The following DOCK4 variants were observed in gnomAD, a reference collection of about 807,000 sequenced individuals.
The protein encoded by DOCK4 is dedicator of cytokinesis 4.
DOCK4 carries 97 observed loss-of-function variants against 268.1 expected under a neutral mutation model. That is an observed-to-expected ratio of 0.36 (90% CI 0.31 to 0.43). The LOEUF (loss-of-function observed/expected upper bound fraction) is 0.43. DOCK4 is among the 20% of genes least tolerant of loss of function. The pLI is 1.00. For missense variants in DOCK4, 2,145 were observed against 2,455.7 expected (o/e 0.87, Z 2.67); for synonymous variants, 954 against 887.2 (o/e 1.08, Z -1.34).
chr7:112,179,770 G>C (rs1019139788), intron 1 of DOCK4, among the ~76,000 whole-genome samples: 4 of 152,140 alleles, frequency 2.6e-5, no homozygotes, highest in Non-Finnish European at 4.4e-5. Context: ...AGATTTAGGA[G>C]ATTAGTATAG....
intron 39 of DOCK4, among the ~76,000 whole-genome samples, chr7:111,762,922 G>A (rs531116915): frequency 7.3e-5 from 11 of 151,162 alleles, no homozygotes; most frequent in African/African-American, 2.2e-4. Context: ...GCACGCCACC[G>A]AACCTGGCAA....
intron 12 of DOCK4, among the ~76,000 whole-genome samples, chr7:111,923,358 A>C (rs1011952290): frequency 9.2e-5 from 14 of 152,170 alleles, no homozygotes; most frequent in African/African-American, 3.4e-4. Context: ...AAAGTTGGCC[A>C]TTTGCTCCCA....
At chr7:111,961,835 A>C (rs918791349) in intron 8 of DOCK4, among the ~76,000 whole-genome samples, 12 of 152,224 alleles carry the variant, frequency 7.9e-5, no homozygotes, top group Non-Finnish European at 1.6e-4. Context: ...ACCATCATCT[A>C]TGGGGCTAGT....
At chr7:112,122,937 C>T (rs115630874) in intron 1 of DOCK4, among the ~76,000 whole-genome samples, 117 of 152,312 alleles carry the variant, frequency 7.7e-4, no homozygotes, top group African/African-American at 2.8e-3. Flanking sequence ...CCAAGGGAAA[C>T]TTCCCCTCTG....
At chr7:112,176,956 T>C (rs917102550) in intron 1 of DOCK4, among the ~76,000 whole-genome samples, 1 of 152,196 alleles carries the variant, frequency 6.6e-6, no homozygotes, top group Non-Finnish European at 1.5e-5. Flanking sequence ...TGGTGTCCTT[T>C]AGTGACATAA....
At chr7:111,964,214 T>C (rs1414811210) in intron 8 of DOCK4, among the ~76,000 whole-genome samples, 8 of 126,880 alleles carry the variant, frequency 6.3e-5, no homozygotes, top group East Asian at 5.2e-4. Flanking sequence ...TGGAGAATGA[T>C]TTTGACGAGC....
At chr7:112,000,616 C>A in intron 2 of DOCK4, 82 bp from the exon 3 acceptor site, 1 of 1,078,428 alleles carries the variant, frequency 9.3e-7, no homozygotes, top group Non-Finnish European at 1.3e-6. Context: ...TGTTCTTTGC[C>A]GATGGAATTT....
intron 26 of DOCK4, among the ~76,000 whole-genome samples, chr7:111,824,597 G>C (rs1054461017): frequency 6.6e-6 from 1 of 152,086 alleles, no homozygotes; most frequent in Non-Finnish European, 1.5e-5. Flanking sequence ...TGTGTGGGGT[G>C]GGGGACTGTG....
In DOCK4 at chr7:111,783,959, A is replaced by G. The variant is rs904614103; in HGVS notation, c.3429-7T>C. ...CTCAATTTTCTTTAGTAGACTGGAA[A>G]AGAAAGAACCCGGGGCATTTTCAAC... On this transcript the variant is annotated splice_region_variant and splice_polypyrimidine_tract_variant and intron_variant, in intron 33 of 52. Coordinates refer to ENST00000428084, the MANE Select transcript of DOCK4 (RefSeq NM_001363540.2). 2.5e-6 allele frequency: 4 copies of G among 1,595,814 alleles called. No individual in the cohort carries two copies. The African/African-American group carries it at 4.0e-5, about 16-fold the overall frequency.
intron 1 of DOCK4, among the ~76,000 whole-genome samples, chr7:112,054,992 T>C (rs1805685928): frequency 6.6e-6 from 1 of 152,224 alleles, no homozygotes; most frequent in South Asian, 2.1e-4. Context: ...TTTATTCAAT[T>C]TCTACAAACA....
intron 1 of DOCK4, among the ~76,000 whole-genome samples, chr7:112,068,783 T>C (rs781622215): frequency 1.2e-3 from 188 of 152,298 alleles, no homozygotes; most frequent in Admixed American, 5.8e-3. Context: ...ATTCACACTC[T>C]GATTGAAATA....
At position 112,051,996 on chromosome 7, in the gene DOCK4, A is replaced by C. The variant is rs543215875; in HGVS notation, c.38-47865T>G. 2.7e-3 allele frequency among the ~76,000 whole-genome samples: 408 copies of C among 152,278 alleles called. 2 individuals carry two copies. Among genetic ancestry groups the C allele is most frequent in the Non-Finnish European group, 4.7e-3 (319 of 68,012 alleles). On this transcript the variant is annotated intron_variant, in intron 1 of 52. Transcript: ENST00000428084. ...TTCCAGGACCTTCTGCAGATACCAAAATCCACAAATGCTCAAACAGTTCCT... is the reference window on the plus strand; with the variant it reads ...TTCCAGGACCTTCTGCAGATACCAACATCCACAAATGCTCAAACAGTTCCT...
At chr7:112,064,553 A>C (rs1806747291) in intron 1 of DOCK4, among the ~76,000 whole-genome samples, 1 of 152,204 alleles carries the variant, frequency 6.6e-6, no homozygotes, top group Non-Finnish European at 1.5e-5. Context: ...CAAGAAAGTA[A>C]TACAGATTTC....
chr7:111,901,665 G>T lies in DOCK4; in HGVS notation c.1317+12C>A. 6.2e-7 allele frequency: 1 copy of T among 1,612,834 alleles called. No individual in the cohort carries two copies. Among genetic ancestry groups the T allele is most frequent in the Admixed American group, 1.7e-5 (1 of 59,902 alleles). Reference sequence around the variant, plus strand: ...GACTTGTTTGACCTGGAAATATCAAGTATTAACATACCTTCAGGGTTTGGC... The same window carrying T: ...GACTTGTTTGACCTGGAAATATCAATTATTAACATACCTTCAGGGTTTGGC... On this transcript the variant is annotated intron_variant, in intron 14 of 52. Transcript: ENST00000428084.
chr7:111,936,735 C>A (rs1794777482), intron 11 of DOCK4, among the ~76,000 whole-genome samples: 1 of 152,168 alleles, frequency 6.6e-6, no homozygotes. Context: ...CACTATCAAT[C>A]AAAATCTCCC....
intron 46 of DOCK4, 120 bp from the exon 47 acceptor site, chr7:111,741,334 C>T: frequency 6.9e-7 from 1 of 1,448,882 alleles, no homozygotes; most frequent in South Asian, 1.3e-5. Flanking sequence ...CTCCTGTTTG[C>T]CTCAATATAA....
intron 8 of DOCK4, among the ~76,000 whole-genome samples, chr7:111,974,492 A>ATATG (rs1491266241): frequency 3.6e-5 from 3 of 84,324 alleles, no homozygotes; most frequent in East Asian, 3.5e-4. Flanking sequence ...TTGAAGAGGG[A>ATATG]TGTGTGTGTG....
At chr7:111,806,196 T>A (rs1019594021) in intron 30 of DOCK4, among the ~76,000 whole-genome samples, 3 of 152,160 alleles carry the variant, frequency 2.0e-5, no homozygotes, top group African/African-American at 7.2e-5. Flanking sequence ...GCATTCAAAT[T>A]CTCAACATGA....
intron 42 of DOCK4, among the ~76,000 whole-genome samples, chr7:111,752,329 A>T (rs1034868252): frequency 5.3e-5 from 8 of 152,172 alleles, no homozygotes; most frequent in Admixed American, 4.6e-4. Context: ...GACTACAGGG[A>T]TAAGGGGGAA....
Sources: allele counts gnomAD v4.1 joint callset (sites outside exome capture counted in the v4.1 genomes callset), GRCh38; gene constraint gnomAD v4.1.1; transcripts MANE v1.5; gene names NCBI Gene and HGNC (gene_info 2026-07-23, HGNC 2026-07-21).